PRH1: variants seen among roughly 807,000 people sequenced by gnomAD.
PRH1 encodes proline rich protein HaeIII subfamily 1, also known as salivary acidic proline-rich phosphoprotein 1/2.
Under a neutral mutation model 7.9 loss-of-function variants are expected in PRH1, and 7 were observed. The ratio of observed to expected loss-of-function variants is 0.89; its 90% CI spans 0.50 to 1.67. PRH1 has a LOEUF of 1.67. PRH1 is among the 40% of genes most tolerant of loss of function. The pLI is 0.00. For missense variants in PRH1, 109 were observed against 223.6 expected, an observed-to-expected ratio of 0.49 and a Z score of 3.27; for synonymous variants, 45 against 80.8, an observed-to-expected ratio of 0.56 and a Z score of 2.38.
exon 1 of PRH1, chr12:11,171,430 GCGT>G (rs1947841068): frequency 8.1e-7 from 1 of 1,231,666 alleles, no homozygotes; most frequent in South Asian, 4.1e-5. Flanking sequence ...ACCTCGTACG[GCGT>G]CTTCTGCAAG....
At chr12:11,070,508 T>G (rs1374276432) in intron 1 of PRH1, among the ~76,000 whole-genome samples, 1 of 152,118 alleles carries the variant, frequency 6.6e-6, no homozygotes, top group East Asian at 1.9e-4. Context: ...AAGTGCCCGC[T>G]GTGGTCTCTT....
intron 1 of PRH1, among the ~76,000 whole-genome samples, chr12:11,131,148 GA>G (rs1385417854): frequency 6.6e-6 from 1 of 152,194 alleles, no homozygotes; most frequent in East Asian, 1.9e-4. Flanking sequence ...TGGCCAAGGG[GA>G]AACAGAAGAC....
intron 2 of PRH1, among the ~76,000 whole-genome samples, chr12:10,922,605 C>A (rs1320146015): frequency 6.6e-6 from 1 of 152,070 alleles, no homozygotes; most frequent in African/African-American, 2.4e-5. Flanking sequence ...CAGATTTCTA[C>A]ATAAAAGTAT....
At chr12:10,984,714 GAATT>G (rs952521416) in intron 1 of PRH1, among the ~76,000 whole-genome samples, 8 of 151,980 alleles carry the variant, frequency 5.3e-5, no homozygotes, top group South Asian at 2.1e-4. Context: ...ATAACTCCAA[GAATT>G]AATACAGTTT....
chr12:11,055,569 G>C (rs1269318037), intron 1 of PRH1, among the ~76,000 whole-genome samples: 1 of 152,226 alleles, frequency 6.6e-6, no homozygotes, highest in Non-Finnish European at 1.5e-5. Context: ...TTCCAAAACA[G>C]CTCAAATTAA....
intron 1 of PRH1, among the ~76,000 whole-genome samples, chr12:11,089,380 C>A (rs191446348): frequency 8.6e-6 from 1 of 116,092 alleles, no homozygotes; most frequent in African/African-American, 2.9e-5. Flanking sequence ...CTCACTTCCA[C>A]GGACTAATGC....
Position 11,090,912 on chromosome 12 carries a change from T to A in PRH1, n.124-43724A>T, listed in dbSNP as rs539177436. ...GAGCAATATTTTTCCGGGGATAAGC[T>A]CTTACTTCTTAATAATTATAAATAG... On this transcript the variant is annotated intron_variant and non_coding_transcript_variant, in intron 1 of 4. Coordinates refer to the PRH1 transcript ENST00000541977. Among the ~76,000 whole-genome samples the A allele has an allele frequency of 1.9e-3, 210 of 110,854 alleles. 47 individuals carry two copies. Among genetic ancestry groups the A allele is most frequent in the African/African-American group, 6.0e-3 (200 of 33,440 alleles). 72.7% of individuals were successfully genotyped at this position (110,854 alleles called of 152,430 possible). A position where few individuals can be genotyped will look rare whatever the true frequency, so the allele number is the denominator to read the frequency against.
intron 1 of PRH1, among the ~76,000 whole-genome samples, chr12:11,016,041 C>A (rs1941278865): frequency 6.6e-6 from 1 of 152,190 alleles, no homozygotes; most frequent in Non-Finnish European, 1.5e-5. Flanking sequence ...AGGAAATGGA[C>A]TTGGAACTTC....
rs556730765 is a variant in PRH1, at chr12:11,052,468, T to C, written n.124-5280A>G. 9.2e-5 allele frequency among the ~76,000 whole-genome samples: 14 copies of C among 152,342 alleles called. No individual in the cohort carries two copies. The South Asian group carries it at 1.0e-3, about 11-fold the overall frequency. ...GATTTTCTACTGGTCTTTGGTGTCC[T>C]GTATTATTTTTTGTTAACTTGATTT... On this transcript the variant is annotated intron_variant and non_coding_transcript_variant, in intron 1 of 4. Transcript: ENST00000541977.
chr12:10,940,851 A>G (rs549383686), intron 2 of PRH1, among the ~76,000 whole-genome samples: 1 of 152,354 alleles, frequency 6.6e-6, no homozygotes, highest in South Asian at 2.1e-4. Flanking sequence ...GTGTTCCACT[A>G]TGAAGAACTG....
At chr12:11,149,410 T>C (rs1307246010) in intron 1 of PRH1, among the ~76,000 whole-genome samples, 1 of 152,126 alleles carries the variant, frequency 6.6e-6, no homozygotes, top group African/African-American at 2.4e-5. Flanking sequence ...GCTACCTGAC[T>C]TCAAACTATA....
At chr12:10,924,120 T>G (rs887979995) in intron 2 of PRH1, among the ~76,000 whole-genome samples, 1 of 149,420 alleles carries the variant, frequency 6.7e-6, no homozygotes, top group East Asian at 2.1e-4. Flanking sequence ...CCCGAGTAGC[T>G]GGGACTACAG....
At chr12:10,962,860 C>T (rs1000395725) in intron 2 of PRH1, among the ~76,000 whole-genome samples, 7 of 152,228 alleles carry the variant, frequency 4.6e-5, no homozygotes, top group Non-Finnish European at 7.3e-5. Context: ...AGCTCCGCCT[C>T]CTGGGTTCAT....
At chr12:10,920,567 CTGG>C (rs1950032131) in intron 2 of PRH1, among the ~76,000 whole-genome samples, 1 of 151,872 alleles carries the variant, frequency 6.6e-6, no homozygotes, top group Non-Finnish European at 1.5e-5. Flanking sequence ...TGGACCAGTG[CTGG>C]TGAATAGGTG....
intron 1 of PRH1, among the ~76,000 whole-genome samples, chr12:11,042,245 G>A (rs1454642938): frequency 1.3e-5 from 2 of 151,782 alleles, no homozygotes; most frequent in African/African-American, 2.4e-5. Flanking sequence ...AAGAAAAAAA[G>A]ATCCAAATTA....
intron 2 of PRH1, among the ~76,000 whole-genome samples, chr12:10,945,237 T>C (rs1265218060): frequency 6.6e-6 from 1 of 152,178 alleles, no homozygotes; most frequent in Non-Finnish European, 1.5e-5. Context: ...TTGGAGTTCA[T>C]TATTGGTCTG....
chr12:11,025,289 T>C (rs1941852578), intron 1 of PRH1, among the ~76,000 whole-genome samples: 1 of 152,212 alleles, frequency 6.6e-6, no homozygotes. Context: ...TTTTCAGTAA[T>C]TTTATTTTAT....
At chr12:10,950,237 G>A (rs969467010) in intron 2 of PRH1, among the ~76,000 whole-genome samples, 5 of 151,982 alleles carry the variant, frequency 3.3e-5, no homozygotes, top group African/African-American at 1.2e-4. Flanking sequence ...ATTCCAGTAG[G>A]AGTACAAATA....
chr12:11,133,606 G>A (rs753298565), intron 1 of PRH1: 5 of 1,614,242 alleles, frequency 3.1e-6, no homozygotes, highest in South Asian at 1.1e-5. Context: ...GAGATCCTTT[G>A]CCATGGAGCT....
Sources: allele counts gnomAD v4.1 joint callset (sites outside exome capture counted in the v4.1 genomes callset), GRCh38; gene constraint gnomAD v4.1.1; transcripts MANE v1.5; gene names NCBI Gene and HGNC (gene_info 2026-07-23, HGNC 2026-07-21).